The following ZNF704 variants were observed in gnomAD, a reference collection of about 807,000 sequenced individuals.
The protein encoded by ZNF704 is glucocorticoid induced gene 1.
Under a neutral mutation model 44.7 loss-of-function variants are expected in ZNF704, and 10 were observed. That is an observed-to-expected ratio of 0.22 (90% CI 0.14 to 0.38). The LOEUF (loss-of-function observed/expected upper bound fraction) is 0.38, where lower values mean the gene tolerates loss of function less well. Among genes scored for constraint, ZNF704 ranks in the 10% least tolerant of loss-of-function variants. ZNF704 has a pLI of 1.00. For missense variants in ZNF704, 390 were observed against 545.5 expected (o/e 0.71, Z 2.84); for synonymous variants, 211 against 207.6 (o/e 1.02, Z -0.14).
At chr8:80,647,420 A>G (rs2131593313) in intron 7 of ZNF704, among the ~76,000 whole-genome samples, 1 of 152,342 alleles carries the variant, frequency 6.6e-6, no homozygotes, top group East Asian at 1.9e-4. Context: ...AAGGGATCTG[A>G]ATGTTATTCT....
intron 2 of ZNF704, among the ~76,000 whole-genome samples, chr8:80,791,855 T>C (rs1364816598): frequency 6.6e-6 from 1 of 152,200 alleles, no homozygotes; most frequent in African/African-American, 2.4e-5. Context: ...AGGACATCCA[T>C]GCAGAGAGGT....
intron 1 of ZNF704, among the ~76,000 whole-genome samples, chr8:80,834,646 T>C (rs181595118): frequency 6.6e-6 from 1 of 152,174 alleles, no homozygotes; most frequent in Non-Finnish European, 1.5e-5. Flanking sequence ...AAGCCCTGCA[T>C]GTATTAGGTA....
chr8:80,868,785 GAC>G (rs1479654599), intron 1 of ZNF704, among the ~76,000 whole-genome samples: 2 of 152,152 alleles, frequency 1.3e-5, no homozygotes, highest in African/African-American at 4.8e-5. Flanking sequence ...CCAACCCACT[GAC>G]ACATGATTTT....
At chr8:80,764,895 A>G (rs1807202775) in intron 2 of ZNF704, among the ~76,000 whole-genome samples, 1 of 152,230 alleles carries the variant, frequency 6.6e-6, no homozygotes, top group Non-Finnish European at 1.5e-5. Flanking sequence ...TCTCCATACC[A>G]AATCTGTATC....
intron 2 of ZNF704, among the ~76,000 whole-genome samples, chr8:80,696,912 G>A (rs771453915): frequency 3.3e-5 from 5 of 152,220 alleles, no homozygotes; most frequent in Non-Finnish European, 7.3e-5. Context: ...GAGGTCAGGT[G>A]TGGACTTTTC....
intron 7 of ZNF704, among the ~76,000 whole-genome samples, chr8:80,653,188 T>C (rs2131598810): frequency 6.6e-6 from 1 of 152,350 alleles, no homozygotes; most frequent in Admixed American, 6.5e-5. Flanking sequence ...AAGAGCTATC[T>C]ATGGCAAACC....
rs73260957 is a variant in ZNF704 at position 80,648,797 on chromosome 8, G to A, written c.1033-5668C>T. Among the ~76,000 whole-genome samples the A allele has an allele frequency of 5.2e-3, 791 of 152,276 alleles. 6 individuals carry two copies. The highest frequency in any genetic ancestry group is 0.018 in the African/African-American group (746 of 41,554). The stretch of plus-strand genomic sequence containing the variant: ...ATTTTATAGATGAGAAAATGGAGAA[G>A]TTAAGTGCACTGTCCAGTCCACACA... On this transcript the variant is annotated intron_variant, in intron 7 of 8. Coordinates refer to ENST00000327835, the MANE Select transcript of ZNF704 (RefSeq NM_001033723.3).
intron 2 of ZNF704, among the ~76,000 whole-genome samples, chr8:80,780,097 T>A (rs1807492124): frequency 6.6e-6 from 1 of 151,748 alleles, no homozygotes; most frequent in Admixed American, 6.6e-5. Context: ...ACAACCAGTG[T>A]TCCAGGAAGA....
chr8:80,664,173 T>C (rs895602890), intron 6 of ZNF704, among the ~76,000 whole-genome samples: 3 of 150,836 alleles, frequency 2.0e-5, no homozygotes, highest in African/African-American at 4.9e-5. Flanking sequence ...CTTGGCTCAC[T>C]GCAACCTCCG....
chr8:80,651,311 T>C (rs1423603856), intron 7 of ZNF704, among the ~76,000 whole-genome samples: 2 of 152,176 alleles, frequency 1.3e-5, no homozygotes, highest in African/African-American at 4.8e-5. Flanking sequence ...AATTCACACA[T>C]AACAATATTA....
intron 2 of ZNF704, among the ~76,000 whole-genome samples, chr8:80,743,191 C>CAAAAAAAAAAAAAA (rs59886049): frequency 2.8e-5 from 1 of 35,824 alleles, no homozygotes; most frequent in Non-Finnish European, 5.3e-5. Flanking sequence ...CTTGCAACTG[C>CAAAAAAAAAAAAAA]AAAAAAAAAA....
In ZNF704 at chr8:80,641,511, G is replaced by C. The variant is rs745363983; in HGVS notation, c.1128-34C>G. On this transcript the variant is annotated intron_variant, in intron 8 of 8. Transcript: ENST00000327835. Reference sequence around the variant, plus strand: ...CAGACGAGGAAGGTTAGTTTAGTGGGAGGAATTCAATGGGCATTCTATGGA... The same window carrying C: ...CAGACGAGGAAGGTTAGTTTAGTGGCAGGAATTCAATGGGCATTCTATGGA... 3.4e-6 allele frequency: 5 copies of C among 1,469,498 alleles called. No homozygotes were observed. The African/African-American group carries it at 5.6e-5, about 16-fold the overall frequency. The allele number at this position is 1,469,498 out of a possible 1,614,324, so 91.0% of individuals were successfully genotyped here.
At chr8:80,871,229 G>T (rs1809247386) in intron 1 of ZNF704, among the ~76,000 whole-genome samples, 2 of 152,108 alleles carry the variant, frequency 1.3e-5, no homozygotes, top group Non-Finnish European at 2.9e-5. Flanking sequence ...AGACTTTATT[G>T]CTTAAAACTT....
At chr8:80,829,321 T>G (rs1808430710) in intron 1 of ZNF704, among the ~76,000 whole-genome samples, 1 of 148,584 alleles carries the variant, frequency 6.7e-6, no homozygotes, top group African/African-American at 2.5e-5. Flanking sequence ...GAGGGGAGAG[T>G]TTTTCACTTC....
chr8:80,782,990 A>G (rs1807555302), intron 2 of ZNF704, among the ~76,000 whole-genome samples: 1 of 152,206 alleles, frequency 6.6e-6, no homozygotes, highest in African/African-American at 2.4e-5. Context: ...GTGTTGTTCA[A>G]GGGCACTGTA....
chr8:80,827,649 T>C (rs1178249207), intron 1 of ZNF704, among the ~76,000 whole-genome samples: 1 of 152,182 alleles, frequency 6.6e-6, no homozygotes, highest in Non-Finnish European at 1.5e-5. Flanking sequence ...GCTGGAGGCA[T>C]CACGCTACCT....
chr8:80,861,903 T>C (rs1586082564), intron 1 of ZNF704, among the ~76,000 whole-genome samples: 1 of 146,130 alleles, frequency 6.8e-6, no homozygotes, highest in African/African-American at 2.5e-5. Flanking sequence ...CTCCATACAA[T>C]CCCATCTCAG....
chr8:80,630,636 T>G lies in ZNF704; in HGVS notation c.*10730A>C, dbSNP rs993706888. 2.0e-5 allele frequency: 3 copies of G among 152,178 alleles called. No homozygotes were observed. The highest frequency in any genetic ancestry group is 7.2e-5 in the African/African-American group (3 of 41,436). The allele number at this position is 152,178 out of a possible 1,614,324, so 9.4% of individuals were successfully genotyped here. On this transcript the variant is annotated 3_prime_UTR_variant, in exon 9 of 9. Transcript: ENST00000327835. Reference sequence around the variant, plus strand: ...TCTCCAGTCTTCTCATTTGAAAAAATGACCGTAGGCCACTCGCAGTTGCAT... The same window carrying G: ...TCTCCAGTCTTCTCATTTGAAAAAAGGACCGTAGGCCACTCGCAGTTGCAT...
At chr8:80,797,355 G>A (rs577069514) in intron 2 of ZNF704, among the ~76,000 whole-genome samples, 5 of 152,266 alleles carry the variant, frequency 3.3e-5, no homozygotes, top group South Asian at 2.1e-4. Flanking sequence ...GCCCTAGTAG[G>A]GGCTCTCTGC....
Sources: gnomAD v4.1 joint callset for allele counts (sites outside exome capture counted in the v4.1 genomes callset) on GRCh38, gnomAD v4.1.1 for gene constraint, MANE v1.5 for transcripts, NCBI Gene and HGNC (gene_info 2026-07-23, HGNC 2026-07-21) for gene names.